Variants in PCDHGA8 observed in about 807,000 individuals in gnomAD.
The protein encoded by PCDHGA8 is protocadherin gamma-A8.
In PCDHGA8, 45 loss-of-function variants were observed where a neutral mutation model predicts 59.2. The ratio of observed to expected loss-of-function variants is 0.76; its 90% CI spans 0.60 to 0.98. The LOEUF (loss-of-function observed/expected upper bound fraction) is 0.98, where lower values mean the gene tolerates loss of function less well. Among genes scored for constraint, PCDHGA8 ranks in the 50% least tolerant of loss-of-function variants. The pLI, the probability that PCDHGA8 is intolerant of heterozygous loss-of-function variation, is 0.00. For missense variants in PCDHGA8, 1,257 were observed against 1,196.2 expected (o/e 1.05, Z -0.75); for synonymous variants, 531 against 519.0 (o/e 1.02, Z -0.32).
rs1594666821 is a variant in PCDHGA8, at chr5:141,487,316, T to C, written c.2425-7491T>C. 6.2e-7 allele frequency: 1 copy of C among 1,614,164 alleles called. No individual in the cohort carries two copies. Among genetic ancestry groups the C allele is most frequent in the South Asian group, 1.1e-5 (1 of 91,080 alleles). On this transcript the variant is annotated intron_variant, in intron 1 of 3. Coordinates refer to ENST00000398604, the MANE Select transcript of PCDHGA8 (RefSeq NM_032088.2). This position sits in a 1 kb window ranked among gnomAD's most constrained non-coding sequence, Gnocchi z 5.0. ...CTCATTCGTGGCACTACTCTCTAAG[T>C]GTCTTCGTGGGGCAGCCTGTGGAGT... is the stretch of plus-strand genomic sequence containing the variant.
rs143168452 is a variant in PCDHGA8 at position 141,504,127 on chromosome 5, C to T, written c.2484-1266C>T. Among the ~76,000 whole-genome samples the T allele has an allele frequency of 1.3e-3, 195 of 152,220 alleles. 2 individuals carry two copies. The highest frequency in any genetic ancestry group is 4.4e-3 in the African/African-American group (181 of 41,520). On this transcript the variant is annotated intron_variant, in intron 2 of 3. Transcript: ENST00000398604. ...CTGTGTGTGTGCCAGGGCTGTTTCC[C>T]GCCAACACTCCCCTGCAAATTGAAA...
chr5:141,511,002 C>T lies in PCDHGA8; in HGVS notation c.2628C>T (p.Ser876=), dbSNP rs143630962. 77 of 1,614,140 alleles carry T rather than the reference C, an allele frequency of 4.8e-5. No individual in the cohort carries two copies. Among genetic ancestry groups the T allele is most frequent in the South Asian group, 2.1e-4 (19 of 91,080 alleles). ...GGGGTGCCGGCACCATGGGATTGAG[C>T]GCCCGCTACGGACCCCAGTTCACCC... The part of the protein sequence containing the change: ...LGGGAGTMGL[S]ARYGPQFTLQ... Residue 876 remains serine (S), a synonymous_variant, in exon 4 of 4, where the codon AGC becomes AGT. Coordinates refer to ENST00000398604, the MANE Select transcript of PCDHGA8 (RefSeq NM_032088.2).
Position 141,500,251 on chromosome 5 carries a change from C to T in PCDHGA8, c.2484-5142C>T, listed in dbSNP as rs187199142. Among the ~76,000 whole-genome samples, 1,493 of 151,438 alleles carry T rather than the reference C, an allele frequency of 9.9e-3. 32 individuals are homozygous for T. Among genetic ancestry groups the T allele is most frequent in the African/African-American group, 0.035 (1,426 of 41,214 alleles). Reference sequence around the variant, plus strand: ...TGATACGTAGCCTTGCTCTGTCACCCAGGCTGGACTGCAGTGGCGCAATCT... The same window carrying T: ...TGATACGTAGCCTTGCTCTGTCACCTAGGCTGGACTGCAGTGGCGCAATCT... On this transcript the variant is annotated intron_variant, in intron 2 of 3. Coordinates refer to ENST00000398604, the MANE Select transcript of PCDHGA8 (RefSeq NM_032088.2).
chr5:141,418,696 T>C, intron 1 of PCDHGA8: 1 of 1,614,034 alleles, frequency 6.2e-7, no homozygotes, highest in Non-Finnish European at 8.5e-7. Context: ...AGATCACTTA[T>C]TCCTTCTTTG....
Position 141,491,405 on chromosome 5 carries a change from A to C in PCDHGA8, c.2425-3402A>C. 6.2e-7 allele frequency: 1 copy of C among 1,614,096 alleles called. No individual in the cohort carries two copies. Among genetic ancestry groups the C allele is most frequent in the Non-Finnish European group, 8.5e-7 (1 of 1,179,998 alleles). On this transcript the variant is annotated intron_variant, in intron 1 of 3. Coordinates refer to ENST00000398604, the MANE Select transcript of PCDHGA8 (RefSeq NM_032088.2). This position sits in a 1 kb window ranked among gnomAD's most constrained non-coding sequence, Gnocchi z 6.9. ...GCGAAGTGCCTTCAGGGAAACGCAG[A>C]CGGGGACGGGGGTGGAGGGCAGTGC... is the stretch of plus-strand genomic sequence containing the variant.
At chr5:141,463,900 C>G (rs879243077) in intron 1 of PCDHGA8, among the ~76,000 whole-genome samples, 4 of 152,168 alleles carry the variant, frequency 2.6e-5, no homozygotes, top group Admixed American at 2.6e-4. Context: ...GCTTTTTGTA[C>G]TAATAATATA....
intron 2 of PCDHGA8, among the ~76,000 whole-genome samples, chr5:141,500,508 C>T (rs2099801020): frequency 6.6e-6 from 1 of 152,078 alleles, no homozygotes; most frequent in African/African-American, 2.4e-5. Context: ...CGCGCCTGGC[C>T]GAGCTTCATT....
At chr5:141,415,255 A>G (rs908329007) in intron 1 of PCDHGA8, 1 of 1,613,620 alleles carries the variant, frequency 6.2e-7, no homozygotes, top group African/African-American at 1.3e-5. Context: ...CTCAGACCTC[A>G]CTCTGTACCT....
In PCDHGA8 at chr5:141,393,681, C is replaced by G. The variant is rs2092820491; in HGVS notation, c.868C>G (p.Pro290Ala). The change falls in exon 1 of 4, where the codon CCG becomes GCG. Residue 290 changes from proline to alanine, a missense_variant. By Grantham distance (27) the Pro-to-Ala change is conservative (BLOSUM62 -1). Coordinates refer to ENST00000398604, the MANE Select transcript of PCDHGA8 (RefSeq NM_032088.2). Reference protein sequence around the residue: ...KFRKINEKQTPLFQLNENTGE... With the variant: ...KFRKINEKQTALFQLNENTGE... Reference sequence around the variant, plus strand: ...CCGGAAAATTAATGAAAAACAAACTCCGTTATTCCAGCTTAATGAAAATAC... The same window carrying G: ...CCGGAAAATTAATGAAAAACAAACTGCGTTATTCCAGCTTAATGAAAATAC... 2 of 1,613,772 alleles carry G rather than the reference C, an allele frequency of 1.2e-6. No homozygotes were observed. Among genetic ancestry groups the G allele is most frequent in the Non-Finnish European group, 1.7e-6 (2 of 1,179,912 alleles).
chr5:141,411,192 G>C (rs2095472836), intron 1 of PCDHGA8: 1 of 152,098 alleles, frequency 6.6e-6, no homozygotes, highest in African/African-American at 2.4e-5. Flanking sequence ...TGGCATCTAA[G>C]AAAACAAACA....
intron 1 of PCDHGA8, chr5:141,424,126 G>C: frequency 9.3e-6 from 5 of 538,222 alleles, no homozygotes; most frequent in Non-Finnish European, 1.2e-5. Flanking sequence ...TGATCCTGTT[G>C]ATTTAATAGC....
Position 141,422,343 on chromosome 5 carries a change from G to T in PCDHGA8, c.2424+27106G>T, listed in dbSNP as rs764862139. ...GTACAGTGATTGCTCTTCTAAATGT[G>T]CAAGATCAAGATTCTGGAGAAAATG... On this transcript the variant is annotated intron_variant, in intron 1 of 3. Transcript: ENST00000398604. 1.9e-6 allele frequency: 3 copies of T among 1,551,388 alleles called. No individual in the cohort carries two copies. The East Asian group carries it at 6.7e-5, about 35-fold the overall frequency.
At chr5:141,473,002 GAA>G (rs2099311273) in intron 1 of PCDHGA8, among the ~76,000 whole-genome samples, 1 of 143,872 alleles carries the variant, frequency 7.0e-6, no homozygotes, top group East Asian at 2.0e-4. Flanking sequence ...AAAAAAGAAA[GAA>G]AAAGAAAAAG....
Position 141,490,667 on chromosome 5 carries a change from T to C in PCDHGA8, c.2425-4140T>C, listed in dbSNP as rs906656199. The stretch of plus-strand genomic sequence containing the variant: ...CCTCCGGGCTCCCTTCTTTGCACTG[T>C]GGCTGCCTCAGATCCAGACACTGGG... On this transcript the variant is annotated intron_variant, in intron 1 of 3. Transcript: ENST00000398604. This position sits in a 1 kb window ranked among gnomAD's most constrained non-coding sequence, Gnocchi z 5.4. The C allele has an allele frequency of 6.8e-6, 11 of 1,614,206 alleles. 1 individual carries two copies. The highest frequency in any genetic ancestry group is 4.5e-5 in the East Asian group (2 of 44,876).
Position 141,485,086 on chromosome 5 carries a change from A to T in PCDHGA8, c.2425-9721A>T. 1.0e-6 allele frequency: 1 copy of T among 999,576 alleles called. No individual in the cohort carries two copies. Among genetic ancestry groups the T allele is most frequent in the Non-Finnish European group, 1.5e-6 (1 of 651,740 alleles). 61.9% of individuals were successfully genotyped at this position (999,576 alleles called of 1,614,324 possible). A position where few individuals can be genotyped will look rare whatever the true frequency, so the allele number is the denominator to read the frequency against. On this transcript the variant is annotated intron_variant, in intron 1 of 3. Transcript: ENST00000398604. The surrounding 1 kb of genome is among the most constrained non-coding windows in gnomAD (Gnocchi z 5.7). The stretch of plus-strand genomic sequence containing the variant: ...CCAGAGCTGGCGCGGGGAAAGGGAG[A>T]TAGGTGTCTCCAGCTGCTGTGGCTG...
Position 141,432,254 on chromosome 5 carries a change from G to A in PCDHGA8, c.2424+37017G>A, listed in dbSNP as rs935437220. 6.2e-7 allele frequency: 1 copy of A among 1,614,242 alleles called. No homozygotes were observed. The highest frequency in any genetic ancestry group is 8.5e-7 in the Non-Finnish European group (1 of 1,180,050). ...CCTGGCTGAGAACACCATCCAAGGG[G>A]CAAGCCTATCGTCCTACGTGTCCAT... On this transcript the variant is annotated intron_variant, in intron 1 of 3. Transcript: ENST00000398604. The surrounding 1 kb of genome is among the most constrained non-coding windows in gnomAD (Gnocchi z 6.0).
In PCDHGA8 at chr5:141,476,707, G is replaced by A. The variant is rs1309848893; in HGVS notation, c.2425-18100G>A. 6.2e-7 allele frequency: 1 copy of A among 1,614,206 alleles called. No individual in the cohort carries two copies. The highest frequency in any genetic ancestry group is 1.7e-5 in the Admixed American group (1 of 60,032). On this transcript the variant is annotated intron_variant, in intron 1 of 3. Coordinates refer to ENST00000398604, the MANE Select transcript of PCDHGA8 (RefSeq NM_032088.2). This position sits in a 1 kb window ranked among gnomAD's most constrained non-coding sequence, Gnocchi z 7.6. ...ACAGCACCAAGTACGCGGAGCTGGT[G>A]TTGGAGCGCGCCCTGGACCGAGAAC...
chr5:141,410,489 G>A, intron 1 of PCDHGA8: 3 of 1,613,972 alleles, frequency 1.9e-6, no homozygotes, highest in Non-Finnish European at 1.7e-6. Context: ...GGGTACAAAA[G>A]AGTTTAATTT....
intron 1 of PCDHGA8, chr5:141,396,086 G>T (rs2093341467): frequency 6.6e-6 from 1 of 152,152 alleles, no homozygotes; most frequent in Non-Finnish European, 1.5e-5. Flanking sequence ...GATGTGAAGT[G>T]GTGAGAATGT....
Sources: gnomAD v4.1 joint callset for allele counts (sites outside exome capture counted in the v4.1 genomes callset) on GRCh38, gnomAD v4.1.1 for gene constraint, Gnocchi (gnomAD v3.1) non-coding constraint, MANE v1.5 for transcripts, NCBI Gene and HGNC (gene_info 2026-07-23, HGNC 2026-07-21) for gene names.